The following WRN variants were observed in gnomAD, a reference collection of about 807,000 sequenced individuals.
The protein encoded by WRN is WRN RecQ like helicase.
A neutral mutation model predicts 180.7 loss-of-function variants in WRN; 149 were observed. The observed-to-expected ratio is 0.82, with a 90% CI of 0.72 to 0.94. WRN has a LOEUF of 0.94. WRN is among the 40% of genes least tolerant of loss of function. WRN has a pLI of 0.00. For missense variants in WRN, 1,661 were observed against 1,700.1 expected, an observed-to-expected ratio of 0.98 and a Z score of 0.40; for synonymous variants, 548 against 568.9, an observed-to-expected ratio of 0.96 and a Z score of 0.52.
chr8:31,150,525 C>A, intron 31 of WRN, 70 bp downstream of exon 31: 1 of 1,301,028 alleles, frequency 7.7e-7, no homozygotes, highest in Non-Finnish European at 1.1e-6. Flanking sequence ...AAAGTACCCT[C>A]CAGAAGCAAC....
intron 1 of WRN, among the ~76,000 whole-genome samples, chr8:31,040,026 C>T (rs991605283): frequency 1.2e-4 from 18 of 152,192 alleles, no homozygotes; most frequent in African/African-American, 3.4e-4. Flanking sequence ...ATTGTAGCAG[C>T]GGAAGTGGTG....
intron 1 of WRN, among the ~76,000 whole-genome samples, chr8:31,039,697 G>T (rs1811576300): frequency 6.6e-6 from 1 of 152,036 alleles, no homozygotes; most frequent in Non-Finnish European, 1.5e-5. Context: ...TTTCATAAAT[G>T]CCCTTTATCA....
intron 1 of WRN, among the ~76,000 whole-genome samples, chr8:31,044,533 T>C (rs1811785760): frequency 6.6e-6 from 1 of 151,932 alleles, no homozygotes; most frequent in African/African-American, 2.4e-5. Context: ...ATTTTTGTAT[T>C]TTTATTAGAG....
intron 19 of WRN, among the ~76,000 whole-genome samples, chr8:31,112,656 G>T (rs777617657): frequency 5.9e-5 from 9 of 151,504 alleles, no homozygotes; most frequent in South Asian, 4.2e-4. Context: ...GCGCAATCCC[G>T]GCTCACTACA....
At chr8:31,132,237 C>A in intron 23 of WRN, 128 bp from the exon 24 acceptor site, 2 of 1,139,388 alleles carry the variant, frequency 1.8e-6, no homozygotes, top group South Asian at 1.6e-5. Flanking sequence ...GAACTTTATT[C>A]ATAGCTTCTG....
chr8:31,109,800 A>G (rs1801235581), intron 18 of WRN, among the ~76,000 whole-genome samples: 1 of 152,198 alleles, frequency 6.6e-6, no homozygotes, highest in Non-Finnish European at 1.5e-5. Flanking sequence ...TCTCACATCT[A>G]GTAAGTGGCA....
intron 33 of WRN, among the ~76,000 whole-genome samples, chr8:31,166,756 C>T (rs956575887): frequency 2.6e-5 from 4 of 152,080 alleles, no homozygotes; most frequent in African/African-American, 9.7e-5. Context: ...AGGCAGCCCA[C>T]AAAAGACAGT....
In WRN at chr8:31,128,510, T is replaced by A. The variant is rs550829931; in HGVS notation, c.2825+3510T>A. 1.8e-4 allele frequency among the ~76,000 whole-genome samples: 28 copies of A among 152,316 alleles called. No homozygotes were observed. The South Asian group carries it at 5.0e-3, about 27-fold the overall frequency. On this transcript the variant is annotated intron_variant, in intron 23 of 34. Coordinates refer to ENST00000298139, the MANE Select transcript of WRN (RefSeq NM_000553.6). ...TAGAACTCACTTGTTTGTAGCACACTGATTGAGAAGCACTGAAAGACTTCA... is the reference window on the plus strand; with the variant it reads ...TAGAACTCACTTGTTTGTAGCACACAGATTGAGAAGCACTGAAAGACTTCA...
chr8:31,122,860 G>GTTTTTTTTTTTTTTTTTT (rs71206298), intron 21 of WRN, among the ~76,000 whole-genome samples: 7 of 69,482 alleles, frequency 1.0e-4, no homozygotes, highest in Admixed American at 2.3e-4. Context: ...TTCTTTTCTT[G>GTTTTTTTTTTTTTTTTTT]TTTTTTTTTT....
At chr8:31,053,602 C>G (rs1177897862) in intron 1 of WRN, among the ~76,000 whole-genome samples, 1 of 152,178 alleles carries the variant, frequency 6.6e-6, no homozygotes, top group Admixed American at 6.5e-5. Context: ...AGTGTAGTTA[C>G]TGGCTTCAAA....
chr8:31,136,067 A>G (rs187309500), intron 24 of WRN, among the ~76,000 whole-genome samples: 8 of 152,326 alleles, frequency 5.3e-5, no homozygotes, highest in Admixed American at 3.3e-4. Flanking sequence ...TGGCATGATC[A>G]TAGGTCACAG....
intron 1 of WRN, among the ~76,000 whole-genome samples, chr8:31,040,287 A>C (rs1811599990): frequency 6.6e-6 from 1 of 152,224 alleles, no homozygotes; most frequent in Admixed American, 6.5e-5. Context: ...TTGGCTATCA[A>C]AGTTTGAAGT....
chr8:31,096,920 C>G, intron 17 of WRN, 70 bp downstream of exon 17: 2 of 1,320,710 alleles, frequency 1.5e-6, no homozygotes. Flanking sequence ...TATGGATGGA[C>G]ACTGGATTTC....
At chr8:31,124,760 T>C in intron 22 of WRN, 137 bp downstream of exon 22, 1 of 1,205,896 alleles carries the variant, frequency 8.3e-7, no homozygotes, top group Non-Finnish European at 1.2e-6. Context: ...TTTTTAAGGC[T>C]AACTTCTTTG....
intron 24 of WRN, among the ~76,000 whole-genome samples, chr8:31,133,426 G>A (rs1802262076): frequency 2.0e-5 from 3 of 152,180 alleles, no homozygotes; most frequent in Non-Finnish European, 4.4e-5. Flanking sequence ...TTTGGAGGCT[G>A]AGGCAGGAGA....
intron 5 of WRN, among the ~76,000 whole-genome samples, chr8:31,065,360 A>T (rs1197557744): frequency 2.6e-5 from 4 of 152,116 alleles, no homozygotes; most frequent in African/African-American, 9.7e-5. Context: ...GGTACCCATT[A>T]GTTATTTTTC....
chr8:31,086,243 T>G (rs1400418354), intron 11 of WRN, among the ~76,000 whole-genome samples: 1 of 152,106 alleles, frequency 6.6e-6, no homozygotes, highest in Non-Finnish European at 1.5e-5. Flanking sequence ...TTGACTTTTT[T>G]AGTTTTGAGG....
intron 8 of WRN, 37 bp downstream of exon 8, chr8:31,076,324 A>AT: frequency 6.7e-7 from 1 of 1,503,350 alleles, no homozygotes; most frequent in Non-Finnish European, 9.2e-7. Flanking sequence ...ACTTAAATCA[A>AT]TTCTGTTTAT....
chr8:31,045,134 A>T (rs945059956), intron 1 of WRN, among the ~76,000 whole-genome samples: 7 of 152,236 alleles, frequency 4.6e-5, no homozygotes, highest in Non-Finnish European at 8.8e-5. Context: ...CTCAAAGATA[A>T]GAAATGTCTC....
Sources: gnomAD v4.1 joint callset for allele counts (sites outside exome capture counted in the v4.1 genomes callset) on GRCh38, gnomAD v4.1.1 for gene constraint, MANE v1.5 for transcripts, NCBI Gene and HGNC (gene_info 2026-07-23, HGNC 2026-07-21) for gene names.